The following MTAP variants were observed in gnomAD, a reference collection of about 807,000 sequenced individuals.
MTAP encodes methylthioadenosine phosphorylase.
Under a neutral mutation model 33.6 loss-of-function variants are expected in MTAP, and 33 were observed. The observed-to-expected ratio is 0.98, with a 90% CI of 0.74 to 1.31. MTAP has a LOEUF of 1.31. Ranked by LOEUF, MTAP falls within the 40% of genes most tolerant of loss-of-function variation. MTAP has a pLI of 0.00. For synonymous variants in MTAP, 148 were observed against 125.7 expected (o/e 1.18, Z -1.19); for missense variants, 367 against 360.0 (o/e 1.02, Z -0.16).
chr9:21,931,299 C>A, downstream of MTAP: 1 of 578,062 alleles, frequency 1.7e-6, no homozygotes, highest in South Asian at 2.2e-5. Flanking sequence ...AGAATTGGGT[C>A]ATGGATTTTT....
intron 1 of MTAP, among the ~76,000 whole-genome samples, chr9:21,873,947 G>A (rs1825971095): frequency 1.3e-5 from 2 of 152,056 alleles, no homozygotes; most frequent in South Asian, 4.2e-4. Context: ...ATTTCATTTA[G>A]GGAAGATTAA....
Position 21,862,322 on chromosome 9 carries a change from G to A in MTAP, c.*308G>A, listed in dbSNP as rs561546447. 3.0e-6 allele frequency: 1 copy of A among 333,064 alleles called. No individual in the cohort carries two copies. The highest frequency in any genetic ancestry group is 5.0e-5 in the Admixed American group (1 of 20,086). The allele number at this position is 333,064 out of a possible 1,614,324, so 20.6% of individuals were successfully genotyped here. A position where few individuals can be genotyped will look rare whatever the true frequency, so the allele number is the denominator to read the frequency against. ...TAAATTTGCAACAATAAAGGGTGGA[G>A]GGTAATCTCTACTTTCCTATACTGC... On this transcript the variant is annotated 3_prime_UTR_variant, in exon 8 of 8. Coordinates refer to ENST00000644715, the MANE Select transcript of MTAP (RefSeq NM_002451.4).
intron 1 of MTAP, among the ~76,000 whole-genome samples, chr9:21,887,446 A>G (rs1056936490): frequency 6.6e-6 from 1 of 152,010 alleles, no homozygotes; most frequent in Non-Finnish European, 1.5e-5. Flanking sequence ...TGAACTCATC[A>G]TTTTTTATGG....
At chr9:21,820,437 C>A (rs201305411) in intron 4 of MTAP, among the ~76,000 whole-genome samples, 2 of 152,082 alleles carry the variant, frequency 1.3e-5, no homozygotes, top group Non-Finnish European at 2.9e-5. Context: ...AGGTTTGTCA[C>A]AGATCAGATG....
intron 1 of MTAP, among the ~76,000 whole-genome samples, chr9:21,890,256 C>A (rs1172499954): frequency 6.6e-6 from 1 of 152,124 alleles, no homozygotes; most frequent in African/African-American, 2.4e-5. Context: ...ACCCAGTTCC[C>A]ACGCAGCCAG....
intron 4 of MTAP, among the ~76,000 whole-genome samples, chr9:21,823,122 A>G (rs990132786): frequency 2.0e-5 from 3 of 152,156 alleles, no homozygotes; most frequent in African/African-American, 7.2e-5. Flanking sequence ...CATTTAGCCC[A>G]TTTACATTTA....
chr9:21,819,556 T>A (rs1238432088), intron 4 of MTAP, among the ~76,000 whole-genome samples: 1 of 152,196 alleles, frequency 6.6e-6, no homozygotes, highest in Non-Finnish European at 1.5e-5. Flanking sequence ...GACATTTGGG[T>A]TGGTTCCAAG....
intron 6 of MTAP, chr9:21,858,955 T>C (rs2118549819): frequency 5.6e-6 from 1 of 179,152 alleles, no homozygotes; most frequent in South Asian, 1.7e-4. Flanking sequence ...AGTTGAGAAG[T>C]CCAAGATCAA....
chr9:21,809,841 G>A (rs933183933), intron 1 of MTAP, among the ~76,000 whole-genome samples: 6 of 152,148 alleles, frequency 3.9e-5, no homozygotes, highest in Non-Finnish European at 8.8e-5. Context: ...CAGGAGGGTG[G>A]GTGGCTCCCA....
At chr9:21,896,731 G>C (rs1818300463) in intron 1 of MTAP, among the ~76,000 whole-genome samples, 1 of 152,124 alleles carries the variant, frequency 6.6e-6, no homozygotes, top group African/African-American at 2.4e-5. Context: ...TGAAATTGAG[G>C]CAATAATTAA....
chr9:21,825,275 T>C (rs1363462704), intron 4 of MTAP, among the ~76,000 whole-genome samples: 1 of 152,208 alleles, frequency 6.6e-6, no homozygotes, highest in Non-Finnish European at 1.5e-5. Flanking sequence ...TCTGTTCATC[T>C]GTTGATGGAC....
At chr9:21,850,105 G>C (rs942170225) in intron 5 of MTAP, among the ~76,000 whole-genome samples, 1 of 152,226 alleles carries the variant, frequency 6.6e-6, no homozygotes, top group Non-Finnish European at 1.5e-5. Flanking sequence ...TTACATTGAT[G>C]ACAGTACGCT....
intron 2 of MTAP, 79 bp downstream of exon 2, chr9:21,815,598 A>AAAG (rs1824454964): frequency 1.9e-6 from 2 of 1,068,162 alleles, no homozygotes; most frequent in Admixed American, 2.2e-5. Flanking sequence ...ATTAAAAAAA[A>AAAG]AAAAAAGAAT....
downstream of MTAP, among the ~76,000 whole-genome samples, chr9:21,870,276 C>A (rs1284160213): frequency 6.6e-6 from 1 of 152,206 alleles, no homozygotes; most frequent in Admixed American, 6.5e-5. Context: ...TCCCTACTTA[C>A]TCTAGTATTT....
rs10965180 is a variant in MTAP at position 21,915,517 on chromosome 9, T to C, written c.148-15491T>C. Among the ~76,000 whole-genome samples, 467 of 152,300 alleles carry C rather than the reference T, an allele frequency of 3.1e-3. 3 individuals carry two copies. The highest frequency in any genetic ancestry group is 6.8e-3 in the Middle Eastern group (2 of 294). On this transcript the variant is annotated intron_variant, in intron 1 of 1. Coordinates refer to the MTAP transcript ENST00000577563. ...ACAAATAATTCTGTTATAAACCTTC[T>C]TGTACAAGTTTTGGCATAGGTATAT...
intron 1 of MTAP, among the ~76,000 whole-genome samples, chr9:21,903,731 C>T (rs925327627): frequency 4.6e-5 from 7 of 152,108 alleles, no homozygotes; most frequent in African/African-American, 9.7e-5. Context: ...GGGAGTGGCT[C>T]GCTGCTGCTC....
chr9:21,868,246 A>T (rs141173733), downstream of MTAP, among the ~76,000 whole-genome samples: 1 of 152,364 alleles, frequency 6.6e-6, no homozygotes, highest in East Asian at 1.9e-4. Context: ...CAGTTTATGT[A>T]ACATGAGATA....
At chr9:21,829,629 G>GA (rs112204383) in intron 4 of MTAP, among the ~76,000 whole-genome samples, 13,411 of 142,144 alleles carry the variant, frequency 0.094, 1,788 homozygotes, top group African/African-American at 0.3. Flanking sequence ...CGTTGTCTCA[G>GA]AAAAAAAAAA....
Position 21,804,301 on chromosome 9 carries a change from G to A in MTAP, c.33+1520G>A, listed in dbSNP as rs571331414. The stretch of plus-strand genomic sequence containing the variant: ...GGCCACAACTTTTCACCTTATCCTT[G>A]CAGGAATACACTTCAAGCGCCATTA... On this transcript the variant is annotated intron_variant, in intron 1 of 7. Transcript: ENST00000644715. Among the ~76,000 whole-genome samples the A allele has an allele frequency of 2.6e-5, 4 of 152,276 alleles. No individual in the cohort carries two copies. The South Asian group carries it at 8.3e-4, about 32-fold the overall frequency.
Sources: allele counts gnomAD v4.1 joint callset (sites outside exome capture counted in the v4.1 genomes callset), GRCh38; gene constraint gnomAD v4.1.1; transcripts MANE v1.5; gene names NCBI Gene and HGNC (gene_info 2026-07-23, HGNC 2026-07-21).